Variants in MCF2L2 observed in about 807,000 individuals in gnomAD.
MCF2L2 encodes the protein MCF.2 cell line derived transforming sequence-like 2.
In MCF2L2, 102 loss-of-function variants were observed where a neutral mutation model predicts 150.2. The observed-to-expected ratio is 0.68, with a 90% confidence interval of 0.58 to 0.80. The LOEUF (loss-of-function observed/expected upper bound fraction) is 0.80, where lower values mean the gene tolerates loss of function less well. Ranked by LOEUF, MCF2L2 falls within the 30% of genes least tolerant of loss-of-function variation. The pLI, the probability that MCF2L2 is intolerant of heterozygous loss-of-function variation, is 0.00. For synonymous variants in MCF2L2, 465 were observed against 491.3 expected (o/e 0.95, Z 0.71); for missense variants, 1,256 against 1,372.8 (o/e 0.91, Z 1.34).
chr3:183,421,701 T>A (rs1715891627), intron 1 of MCF2L2, among the ~76,000 whole-genome samples: 1 of 152,228 alleles, frequency 6.6e-6, no homozygotes, highest in Non-Finnish European at 1.5e-5. Context: ...CACTTTCCTG[T>A]TTGTTTGAAG....
intron 11 of MCF2L2, chr3:183,298,765 G>GCGTGCGCGCACACACACACACACA: frequency 2.9e-5 from 4 of 138,500 alleles, no homozygotes; most frequent in African/African-American, 1.2e-4. Flanking sequence ...AAACACACAT[G>GCGTGCGCGCACACACACACACACA]CACACACACA....
Position 183,207,613 on chromosome 3 carries a change from T to C in MCF2L2, c.2707A>G (p.Met903Val), listed in dbSNP as rs762583992. 5 of 1,612,106 alleles carry C rather than the reference T, an allele frequency of 3.1e-6. No individual in the cohort carries two copies. The highest frequency in any genetic ancestry group is 2.2e-5 in the East Asian group (1 of 44,876). Reference protein sequence around the residue: ...LSPHYSFKKTMKLMTLSIRQL... With the variant: ...LSPHYSFKKTVKLMTLSIRQL... Reference sequence around the variant, plus strand: ...TGCAATAGGACTCCCTTTACCTTCATGGTCTTCTTGAAGCTGTAATGAGGA... The same window carrying C: ...TGCAATAGGACTCCCTTTACCTTCACGGTCTTCTTGAAGCTGTAATGAGGA... The change falls in exon 23 of 30, where the codon ATG (methionine) becomes GTG (valine). Residue 903 changes from methionine (M) to valine (V), a missense_variant. Physicochemically the swap from Met to Val is conservative, Grantham distance 21. Transcript: ENST00000328913.
At chr3:183,424,273 ATAAGAG>A (rs1395754158) in intron 1 of MCF2L2, among the ~76,000 whole-genome samples, 3 of 152,130 alleles carry the variant, frequency 2.0e-5, no homozygotes, top group Non-Finnish European at 4.4e-5. Context: ...TGCATATTTT[ATAAGAG>A]TTCCTGACTA....
rs747915894 is a variant in MCF2L2, at chr3:183,270,471, C to T, written c.1862+6401G>A. 95 of 1,614,042 alleles carry T rather than the reference C, an allele frequency of 5.9e-5. No individual in the cohort carries two copies. The highest frequency in any genetic ancestry group is 1.3e-4 in the South Asian group (12 of 91,086). Reference sequence around the variant, plus strand: ...AGACTTTTGGATTGGTCGTGTTCATCGTGGTGCCCCTCCCATTAGAGATAA... The same window carrying T: ...AGACTTTTGGATTGGTCGTGTTCATTGTGGTGCCCCTCCCATTAGAGATAA... On this transcript the variant is annotated intron_variant, in intron 15 of 29. Coordinates refer to ENST00000328913, the MANE Select transcript of MCF2L2 (RefSeq NM_015078.4). The surrounding 1 kb of genome is among the most constrained non-coding windows in gnomAD (Gnocchi z 4.5).
At chr3:183,271,986 G>T in intron 15 of MCF2L2, 1 of 296,006 alleles carries the variant, frequency 3.4e-6, no homozygotes, top group Non-Finnish European at 5.4e-6. Flanking sequence ...CAAGTTCAGA[G>T]TTTTAAATTG....
At chr3:183,367,496 C>T (rs568708543) in intron 3 of MCF2L2, among the ~76,000 whole-genome samples, 1 of 152,172 alleles carries the variant, frequency 6.6e-6, no homozygotes, top group African/African-American at 2.4e-5. Flanking sequence ...TCCCAAAGTG[C>T]AGGGATTACA....
chr3:183,205,075 G>A (rs919797348), intron 25 of MCF2L2, among the ~76,000 whole-genome samples: 1 of 152,156 alleles, frequency 6.6e-6, no homozygotes, highest in African/African-American at 2.4e-5. Context: ...GAATTAGGCT[G>A]TTAAATACTT....
intron 15 of MCF2L2, among the ~76,000 whole-genome samples, chr3:183,269,229 G>GTTTTTTTTTTTTTTTT (rs1305607255): frequency 1.0e-4 from 8 of 77,020 alleles, no homozygotes; most frequent in African/African-American, 6.8e-4. Context: ...CGTTTGGGAA[G>GTTTTTTTTTTTTTTTT]CTTTTTTTTT....
At chr3:183,397,848 T>G (rs1470747467) in intron 1 of MCF2L2, among the ~76,000 whole-genome samples, 2 of 152,232 alleles carry the variant, frequency 1.3e-5, no homozygotes, top group Admixed American at 6.5e-5. Context: ...TAGCTTGTTC[T>G]TTTGTTGCAA....
At chr3:183,205,995 G>A in intron 24 of MCF2L2, 41 bp from the exon 25 acceptor site, 1 of 1,577,194 alleles carries the variant, frequency 6.3e-7, no homozygotes, top group Non-Finnish European at 8.7e-7. Flanking sequence ...ACTACCATGA[G>A]TATTAATTGC....
chr3:183,382,588 C>T (rs1162679369), intron 2 of MCF2L2, among the ~76,000 whole-genome samples: 1 of 152,154 alleles, frequency 6.6e-6, no homozygotes, highest in Non-Finnish European at 1.5e-5. Context: ...CTAGTGCCAC[C>T]TTCTGAGGAA....
intron 1 of MCF2L2, among the ~76,000 whole-genome samples, chr3:183,425,174 G>A (rs577957251): frequency 6.6e-6 from 1 of 150,828 alleles, no homozygotes; most frequent in Non-Finnish European, 1.5e-5. Flanking sequence ...TGGACATGAG[G>A]AAAGAAAGCT....
chr3:183,235,782 G>A (rs1435377315), intron 15 of MCF2L2, among the ~76,000 whole-genome samples: 2 of 34,016 alleles, frequency 5.9e-5, no homozygotes, highest in African/African-American at 5.4e-4. Flanking sequence ...CCACGCCTAT[G>A]TCCTGAATGG....
intron 1 of MCF2L2, among the ~76,000 whole-genome samples, chr3:183,423,232 G>C (rs951732530): frequency 1.3e-5 from 2 of 152,138 alleles, no homozygotes; most frequent in African/African-American, 4.8e-5. Context: ...AACAGCTGAG[G>C]CATGGACTCT....
chr3:183,259,483 T>C (rs1725387429), intron 15 of MCF2L2, among the ~76,000 whole-genome samples: 1 of 152,182 alleles, frequency 6.6e-6, no homozygotes, highest in African/African-American at 2.4e-5. Context: ...GGTTTACTTC[T>C]TACGTGTCAT....
At chr3:183,207,967 T>C in intron 22 of MCF2L2, 144 bp from the exon 23 acceptor site, 1 of 667,426 alleles carries the variant, frequency 1.5e-6, no homozygotes, top group South Asian at 2.0e-5. Flanking sequence ...GGTCTGTCAC[T>C]AAATCAAAAC....
rs1373820958 is a variant in MCF2L2 at position 183,374,680 on chromosome 3, AAAAGAAAG to A, written c.275+4609_275+4616del. ...CGAAACTCCGTCTCAAAAAAAAAAA[AAAAGAAAG>A]AAAGAAAGAAAGAAAAAATAGAAGC... On this transcript the variant is annotated intron_variant, in intron 3 of 29. Transcript: ENST00000328913. 6.1e-5 allele frequency: 9 copies of A among 148,246 alleles called. No individual in the cohort carries two copies. In the East Asian group the frequency reaches 1.2e-3, roughly 19 times the overall value. The allele number at this position is 148,246 out of a possible 1,614,324, so 9.2% of individuals were successfully genotyped here. A position where few individuals can be genotyped will look rare whatever the true frequency, so the allele number is the denominator to read the frequency against.
At chr3:183,427,114 C>A (rs1348858499) in intron 1 of MCF2L2, among the ~76,000 whole-genome samples, 2 of 152,172 alleles carry the variant, frequency 1.3e-5, no homozygotes, top group Non-Finnish European at 2.9e-5. Context: ...TTGCCCACAT[C>A]CAGAGGTTCT....
At chr3:183,239,588 C>T (rs1723916286) in intron 15 of MCF2L2, among the ~76,000 whole-genome samples, 2 of 151,742 alleles carry the variant, frequency 1.3e-5, no homozygotes, top group African/African-American at 4.8e-5. Context: ...CCCCCCTTCC[C>T]CGCCTCCCCG....
Sources: gnomAD v4.1 joint callset for allele counts (sites outside exome capture counted in the v4.1 genomes callset) on GRCh38, gnomAD v4.1.1 for gene constraint, Gnocchi (gnomAD v3.1) non-coding constraint, MANE v1.5 for transcripts, NCBI Gene and HGNC (gene_info 2026-07-23, HGNC 2026-07-21) for gene names.